FAM13B: variants seen among roughly 807,000 people sequenced by gnomAD.
FAM13B encodes the protein family with sequence similarity 13 member B.
In FAM13B, 60 loss-of-function variants were observed where a neutral mutation model predicts 117.3. That is an observed-to-expected ratio of 0.51 (90% CI 0.42 to 0.63). The LOEUF (loss-of-function observed/expected upper bound fraction) is 0.63. Among genes scored for constraint, FAM13B ranks in the 30% least tolerant of loss-of-function variants. FAM13B has a pLI of 0.00. For missense variants in FAM13B, 972 were observed against 1,091.9 expected, an observed-to-expected ratio of 0.89 and a Z score of 1.55; for synonymous variants, 332 against 356.1, an observed-to-expected ratio of 0.93 and a Z score of 0.76.
At chr5:138,016,599 A>G (rs1261270736) in intron 4 of FAM13B, among the ~76,000 whole-genome samples, 3 of 152,182 alleles carry the variant, frequency 2.0e-5, no homozygotes, top group African/African-American at 4.8e-5. Flanking sequence ...ACACCACTGC[A>G]CTCCAGCCTG....
At chr5:137,953,495 A>G in intron 15 of FAM13B, 30 bp from the exon 16 acceptor site, 1 of 1,610,190 alleles carries the variant, frequency 6.2e-7, no homozygotes, top group Non-Finnish European at 8.5e-7. Context: ...CAACACTGTT[A>G]AATTTTCAAG....
At chr5:137,978,284 T>G (rs1774615999) in intron 10 of FAM13B, among the ~76,000 whole-genome samples, 1 of 152,126 alleles carries the variant, frequency 6.6e-6, no homozygotes, top group African/African-American at 2.4e-5. Flanking sequence ...ACACCTCTGA[T>G]TTGTATGTAT....
chr5:138,028,290 G>A lies in FAM13B; in HGVS notation c.-203+4492C>T, dbSNP rs150330483. Among the ~76,000 whole-genome samples the A allele has an allele frequency of 4.0e-3, 602 of 152,282 alleles. 3 individuals are homozygous for A. The highest frequency in any genetic ancestry group is 0.011 in the African/African-American group (465 of 41,546). On this transcript the variant is annotated intron_variant, in intron 1 of 23. Coordinates refer to ENST00000689681, the MANE Select transcript of FAM13B (RefSeq NM_001385994.1). ...AATATTAATATACCTTTTCTCCACT[G>A]AAAACATGCACAGGCAAGGCCTACT...
Position 137,954,381 on chromosome 5 carries a change from A to G in FAM13B, c.1508-5T>C, listed in dbSNP as rs1210645270. The G allele has an allele frequency of 6.2e-7, 1 of 1,610,510 alleles. No homozygotes were observed. The highest frequency in any genetic ancestry group is 1.7e-5 in the Admixed American group (1 of 59,866). Reference sequence around the variant, plus strand: ...ACTTAAAAGCAGGAAATGGCTCTATAAAACAAACACAAAGAATAGTACCAT... The same window carrying G: ...ACTTAAAAGCAGGAAATGGCTCTATGAAACAAACACAAAGAATAGTACCAT... On this transcript the variant is annotated splice_polypyrimidine_tract_variant and splice_region_variant and intron_variant, in intron 14 of 23. Coordinates refer to ENST00000689681, the MANE Select transcript of FAM13B (RefSeq NM_001385994.1).
At chr5:138,006,937 T>A (rs1782705290) in intron 7 of FAM13B, 53 bp downstream of exon 7, 4 of 1,518,038 alleles carry the variant, frequency 2.6e-6, no homozygotes, top group Non-Finnish European at 3.5e-6. Flanking sequence ...GGAGTGAGTT[T>A]ACACTTAGAA....
At position 137,941,891 on chromosome 5, in the gene FAM13B, C is replaced by A; in HGVS notation, c.2690+53G>T. ...GTATTCCATTATTTCAACATATGGT[C>A]AGTTTGTGAGTTAGAGAAGAAAGAT... is the stretch of plus-strand genomic sequence containing the variant. On this transcript the variant is annotated intron_variant, in intron 23 of 23. Coordinates refer to ENST00000689681, the MANE Select transcript of FAM13B (RefSeq NM_001385994.1). 3 of 1,378,858 alleles carry A rather than the reference C, an allele frequency of 2.2e-6. No individual in the cohort carries two copies. In the South Asian group the frequency reaches 3.6e-5, roughly 16 times the overall value. The allele number at this position is 1,378,858 out of a possible 1,614,324, so 85.4% of individuals were successfully genotyped here. A position where few individuals can be genotyped will look rare whatever the true frequency, so the allele number is the denominator to read the frequency against.
chr5:138,049,646 C>T (rs1021382910), intron 1 of FAM13B, among the ~76,000 whole-genome samples: 20 of 152,274 alleles, frequency 1.3e-4, no homozygotes, highest in African/African-American at 4.3e-4. Context: ...ACAGGATTTT[C>T]CATCTGTCAG....
At chr5:138,045,064 C>T (rs928846008) in intron 1 of FAM13B, among the ~76,000 whole-genome samples, 2 of 152,190 alleles carry the variant, frequency 1.3e-5, no homozygotes, top group Non-Finnish European at 2.9e-5. Context: ...CATAATATCT[C>T]TAGAACTAAA....
At chr5:138,009,828 G>C (rs1421806646) in intron 6 of FAM13B, among the ~76,000 whole-genome samples, 1 of 151,136 alleles carries the variant, frequency 6.6e-6, no homozygotes, top group Non-Finnish European at 1.5e-5. Context: ...AAAAGGGTTG[G>C]GGCAGGGGTG....
chr5:138,043,870 C>T (rs1791569887), intron 1 of FAM13B, among the ~76,000 whole-genome samples: 2 of 151,846 alleles, frequency 1.3e-5, no homozygotes, highest in Non-Finnish European at 2.9e-5. Flanking sequence ...AGCCACCATA[C>T]CCAGCCAGGA....
intron 1 of FAM13B, among the ~76,000 whole-genome samples, chr5:138,028,845 C>T (rs1789133891): frequency 1.3e-5 from 2 of 152,242 alleles, no homozygotes; most frequent in South Asian, 4.1e-4. Context: ...ATGGTGAAAC[C>T]CCATCGCTAC....
chr5:137,966,167 T>C (rs991854408), intron 10 of FAM13B, among the ~76,000 whole-genome samples: 3 of 151,222 alleles, frequency 2.0e-5, no homozygotes, highest in African/African-American at 7.3e-5. Context: ...CCGGGTGTGG[T>C]GGCTCATGCC....
chr5:138,029,554 A>T (rs1372619466), intron 1 of FAM13B, among the ~76,000 whole-genome samples: 3 of 152,190 alleles, frequency 2.0e-5, no homozygotes, highest in Non-Finnish European at 4.4e-5. Context: ...TGCTATTGAA[A>T]AAAACTCCCA....
At chr5:137,972,229 C>A (rs1374883500) in intron 10 of FAM13B, among the ~76,000 whole-genome samples, 1 of 147,638 alleles carries the variant, frequency 6.8e-6, no homozygotes, top group African/African-American at 2.5e-5. Flanking sequence ...TACTGGCAAA[C>A]CGAATCCAGC....
intron 3 of FAM13B, 63 bp from the exon 4 acceptor site, chr5:138,018,577 CATTCT>C: frequency 7.0e-7 from 1 of 1,434,250 alleles, no homozygotes. Context: ...CATATATATT[CATTCT>C]CCAATTAACT....
chr5:138,009,826 T>G, intron 6 of FAM13B, among the ~76,000 whole-genome samples: 3 of 146,420 alleles, frequency 2.0e-5, no homozygotes, highest in African/African-American at 5.0e-5. Flanking sequence ...AAAAAAGGGT[T>G]GGGGCAGGGG....
chr5:137,981,789 A>G (rs969187076), intron 10 of FAM13B, among the ~76,000 whole-genome samples: 1 of 145,916 alleles, frequency 6.9e-6, no homozygotes, highest in African/African-American at 2.5e-5. Flanking sequence ...CCATCTCAGG[A>G]AAAAAAAAAA....
chr5:138,037,889 G>A (rs969817037), upstream of FAM13B, among the ~76,000 whole-genome samples: 4 of 152,174 alleles, frequency 2.6e-5, no homozygotes, highest in Admixed American at 6.5e-5. Flanking sequence ...CCAAGTTCCA[G>A]TTCTAGCCCT....
intron 17 of FAM13B, among the ~76,000 whole-genome samples, chr5:137,951,060 A>T (rs1298432165): frequency 6.6e-6 from 1 of 152,078 alleles, no homozygotes; most frequent in Non-Finnish European, 1.5e-5. Context: ...ATACAAAAAA[A>T]TTAGCTGGGC....
Sources: allele counts gnomAD v4.1 joint callset (sites outside exome capture counted in the v4.1 genomes callset), GRCh38; gene constraint gnomAD v4.1.1; transcripts MANE v1.5; gene names NCBI Gene and HGNC (gene_info 2026-07-23, HGNC 2026-07-21).